The following FREM1 variants were observed in gnomAD, a reference collection of about 807,000 sequenced individuals.
FREM1 encodes the protein FRAS1 related extracellular matrix 1.
Under a neutral mutation model 210.1 loss-of-function variants are expected in FREM1, and 220 were observed. The ratio of observed to expected loss-of-function variants is 1.05; its 90% CI spans 0.94 to 1.17. The LOEUF is 1.17. Ranked by LOEUF, FREM1 falls within the 50% of genes most tolerant of loss-of-function variation. FREM1 has a pLI of 0.00. For synonymous variants in FREM1, 1,189 were observed against 980.2 expected, an observed-to-expected ratio of 1.21 and a Z score of -3.98; for missense variants, 3,454 against 2,675.5, an observed-to-expected ratio of 1.29 and a Z score of -6.42.
chr9:14,895,614 T>C (rs1423061081), intron 1 of FREM1, among the ~76,000 whole-genome samples: 1 of 152,080 alleles, frequency 6.6e-6, no homozygotes, highest in Non-Finnish European at 1.5e-5. Context: ...AATTTACTTA[T>C]TTTGCCTTAC....
intron 10 of FREM1, among the ~76,000 whole-genome samples, chr9:14,830,646 G>C (rs532687335): frequency 8.6e-5 from 13 of 152,006 alleles, no homozygotes; most frequent in Non-Finnish European, 4.4e-5. Flanking sequence ...AGCTCCCCCC[G>C]CTCTGTTTCT....
intron 24 of FREM1, among the ~76,000 whole-genome samples, chr9:14,777,825 A>G (rs1443207053): frequency 6.6e-6 from 1 of 152,150 alleles, no homozygotes; most frequent in Non-Finnish European, 1.5e-5. Flanking sequence ...CAACGAGTCA[A>G]CCAGCCTGCC....
chr9:14,768,318 G>GTT (rs59443247), intron 27 of FREM1, among the ~76,000 whole-genome samples: 1,768 of 134,096 alleles, frequency 0.013, 47 homozygotes, highest in African/African-American at 0.046. Context: ...TTTGGAGCAG[G>GTT]TTTTTTTTTT....
intron 21 of FREM1, among the ~76,000 whole-genome samples, chr9:14,796,225 G>A (rs889784051): frequency 6.6e-6 from 1 of 152,134 alleles, no homozygotes; most frequent in Non-Finnish European, 1.5e-5. Context: ...GATTTGGGGG[G>A]TTTGGGTGCT....
At chr9:14,903,422 T>C (rs997090699) in intron 1 of FREM1, among the ~76,000 whole-genome samples, 3 of 152,204 alleles carry the variant, frequency 2.0e-5, no homozygotes, top group Admixed American at 6.5e-5. Context: ...TATATCACAG[T>C]ACATTAAATG....
At chr9:14,861,739 T>G (rs994633285) in intron 3 of FREM1, among the ~76,000 whole-genome samples, 2 of 152,086 alleles carry the variant, frequency 1.3e-5, no homozygotes, top group African/African-American at 4.8e-5. Context: ...ACTCCTGACC[T>G]CAGGTGATCT....
At chr9:14,769,901 A>G (rs745361767) in intron 26 of FREM1, 33 bp from the exon 27 acceptor site, 1 of 1,105,942 alleles carries the variant, frequency 9.0e-7, no homozygotes, top group South Asian at 1.6e-5. Context: ...ATCATGGGTA[A>G]TCAAACAAAA....
intron 26 of FREM1, 71 bp from the exon 27 acceptor site, chr9:14,769,939 T>C (rs1371319090): frequency 1.9e-5 from 14 of 743,988 alleles, no homozygotes; most frequent in Non-Finnish European, 3.0e-5. Context: ...TAAAATTGTA[T>C]GGCTATTTTA....
intron 21 of FREM1, among the ~76,000 whole-genome samples, chr9:14,794,132 G>A (rs552336049): frequency 3.3e-5 from 5 of 152,330 alleles, no homozygotes; most frequent in African/African-American, 1.2e-4. Context: ...ACAGGACAAG[G>A]TGTGTCATAA....
At chr9:14,821,010 C>T (rs1246942013) in intron 13 of FREM1, among the ~76,000 whole-genome samples, 1 of 152,112 alleles carries the variant, frequency 6.6e-6, no homozygotes, top group Admixed American at 6.5e-5. Context: ...TTTAGGGCAA[C>T]TTTCAAAAAA....
In FREM1 at chr9:14,775,861, G is replaced by C. The variant is rs10733289; in HGVS notation, c.4785C>G (p.Ala1595=). The change falls in exon 25 of 37, where the codon GCC becomes GCG. Residue 1595 remains alanine, a synonymous_variant. Coordinates refer to ENST00000380880, the MANE Select transcript of FREM1 (RefSeq NM_001379081.2). ...TAAAGCCTTGGTTTGTCCCATCTGTGGCCATGAAAGTAAAGCAGTCAGTCT... is the reference window on the plus strand; with the variant it reads ...TAAAGCCTTGGTTTGTCCCATCTGTCGCCATGAAAGTAAAGCAGTCAGTCT... ...DSQTDCFTFM[A]TDGTNQGFIV... The C allele has an allele frequency of 6.2e-7, 1 of 1,612,448 alleles. No homozygotes were observed. The highest frequency in any genetic ancestry group is 1.3e-5 in the African/African-American group (1 of 74,812).
In FREM1 at chr9:14,769,596, G is replaced by A. The variant is rs557430106; in HGVS notation, c.5204+128C>T. ...ATTCATTCTCCAAAATAAATTCCAT[G>A]AGCTTGTGAAATGGTCTATTAATTT... is the stretch of plus-strand genomic sequence containing the variant. On this transcript the variant is annotated intron_variant, in intron 27 of 36. Transcript: ENST00000380880. 50 of 970,114 alleles carry A rather than the reference G, an allele frequency of 5.2e-5. No homozygotes were observed. The East Asian group carries it at 7.5e-4, about 15-fold the overall frequency. 60.1% of individuals were successfully genotyped at this position (970,114 alleles called of 1,614,324 possible). A position where few individuals can be genotyped will look rare whatever the true frequency, so the allele number is the denominator to read the frequency against.
chr9:14,899,160 G>A (rs1382757767), intron 1 of FREM1, among the ~76,000 whole-genome samples: 1 of 152,132 alleles, frequency 6.6e-6, no homozygotes, highest in Non-Finnish European at 1.5e-5. Flanking sequence ...GGCTTTTGAG[G>A]ACTGTCTCTT....
chr9:14,903,287 A>C (rs865940909), intron 1 of FREM1, among the ~76,000 whole-genome samples: 19 of 152,240 alleles, frequency 1.2e-4, no homozygotes, highest in African/African-American at 4.1e-4. Context: ...TGATATTCTT[A>C]AGATGAAGAA....
chr9:14,737,455 G>C lies in FREM1; in HGVS notation c.6481C>G (p.Gln2161Glu). 1 of 1,613,764 alleles carries C rather than the reference G, an allele frequency of 6.2e-7. No homozygotes were observed. Among genetic ancestry groups the C allele is most frequent in the Non-Finnish European group, 8.5e-7 (1 of 1,179,802 alleles). The stretch of plus-strand genomic sequence containing the variant: ...TTGGCTCTCCTACAGTCTTTTGTTT[G>C]CCATTTCCCTTGTCTTTGAACCAAA... The part of the protein sequence containing the change: ...CVLVQRQGKW[Q>E]TKDCRRAKPH... Residue 2161 changes from glutamine (Q) to glutamate (E), a missense_variant, in exon 37 of 37, where the codon CAA (glutamine) becomes GAA (glutamate). By Grantham distance (29) the Gln-to-Glu change is conservative. Coordinates refer to ENST00000380880, the MANE Select transcript of FREM1 (RefSeq NM_001379081.2).
At chr9:14,760,778 T>C (rs1234439735) in intron 27 of FREM1, among the ~76,000 whole-genome samples, 1 of 152,224 alleles carries the variant, frequency 6.6e-6, no homozygotes, top group African/African-American at 2.4e-5. Context: ...TGAAGTTCTT[T>C]GCGACTCTTT....
chr9:14,740,246 T>C lies in FREM1; in HGVS notation c.6255-12A>G. 2 of 1,589,128 alleles carry C rather than the reference T, an allele frequency of 1.3e-6. No homozygotes were observed. Among genetic ancestry groups the C allele is most frequent in the South Asian group, 2.2e-5 (2 of 90,384 alleles). ...GGTTGCCCAGGTATCTAAATGCAAATGAAAATGAGAGTATCAGCAACAAGC... is the reference window on the plus strand; with the variant it reads ...GGTTGCCCAGGTATCTAAATGCAAACGAAAATGAGAGTATCAGCAACAAGC... On this transcript the variant is annotated splice_polypyrimidine_tract_variant and intron_variant, in intron 35 of 36. Coordinates refer to ENST00000380880, the MANE Select transcript of FREM1 (RefSeq NM_001379081.2).
intron 1 of FREM1, among the ~76,000 whole-genome samples, chr9:14,905,833 G>A (rs1817597692): frequency 6.6e-6 from 1 of 152,150 alleles, no homozygotes; most frequent in South Asian, 2.1e-4. Flanking sequence ...AGAGGTTGCA[G>A]TGAGCCAAGA....
intron 2 of FREM1, among the ~76,000 whole-genome samples, chr9:14,867,830 G>A (rs1166320526): frequency 6.6e-6 from 1 of 152,082 alleles, no homozygotes; most frequent in Non-Finnish European, 1.5e-5. Context: ...CAGGACAGTG[G>A]GAACAAGTAA....
Sources: allele counts gnomAD v4.1 joint callset (sites outside exome capture counted in the v4.1 genomes callset), GRCh38; gene constraint gnomAD v4.1.1; transcripts MANE v1.5; gene names NCBI Gene and HGNC (gene_info 2026-07-23, HGNC 2026-07-21).